The following PFDN1 variants were observed in gnomAD, a reference collection of about 807,000 sequenced individuals.
PFDN1 encodes prefoldin 1.
Under a neutral mutation model 17.3 loss-of-function variants are expected in PFDN1, and 6 were observed. The ratio of observed to expected loss-of-function variants is 0.35; its 90% CI spans 0.19 to 0.69. The LOEUF is 0.69. Among genes scored for constraint, PFDN1 ranks in the 30% least tolerant of loss-of-function variants. PFDN1 has a pLI of 0.65. For missense variants in PFDN1, 113 were observed against 146.2 expected, an observed-to-expected ratio of 0.77 and a Z score of 1.17; for synonymous variants, 58 against 50.1, an observed-to-expected ratio of 1.16 and a Z score of -0.67.
intron 3 of PFDN1, among the ~76,000 whole-genome samples, chr5:140,261,845 T>C (rs909951238): frequency 6.6e-6 from 1 of 151,990 alleles, no homozygotes; most frequent in African/African-American, 2.4e-5. Context: ...CTGAGGGGTA[T>C]TGAGAGGTCA....
intron 2 of PFDN1, among the ~76,000 whole-genome samples, chr5:140,288,119 A>G (rs886534800): frequency 2.0e-5 from 3 of 152,260 alleles, no homozygotes; most frequent in African/African-American, 4.8e-5. Context: ...AAATGTTTAC[A>G]GCTGCTTCAT....
intron 1 of PFDN1, among the ~76,000 whole-genome samples, chr5:140,300,865 C>T (rs1391229537): frequency 6.6e-6 from 1 of 152,048 alleles, no homozygotes; most frequent in Non-Finnish European, 1.5e-5. Flanking sequence ...GAAATAAATG[C>T]AATAGTCAAG....
At chr5:140,279,215 G>A (rs959115222) in intron 3 of PFDN1, among the ~76,000 whole-genome samples, 6 of 152,128 alleles carry the variant, frequency 3.9e-5, no homozygotes, top group African/African-American at 1.4e-4. Flanking sequence ...ACATTTGGAT[G>A]TACCGAGGGT....
At chr5:140,279,183 T>A (rs1298677630) in intron 3 of PFDN1, among the ~76,000 whole-genome samples, 4 of 152,198 alleles carry the variant, frequency 2.6e-5, no homozygotes, top group African/African-American at 9.6e-5. Context: ...AAGTTTGGAA[T>A]GATACAGAAA....
At chr5:140,276,362 T>A (rs1331728467) in intron 3 of PFDN1, among the ~76,000 whole-genome samples, 1 of 152,174 alleles carries the variant, frequency 6.6e-6, no homozygotes, top group Non-Finnish European at 1.5e-5. Context: ...TCAGGAGAAG[T>A]AATTCTATGC....
intron 1 of PFDN1, among the ~76,000 whole-genome samples, chr5:140,302,098 G>T (rs1765756618): frequency 6.6e-6 from 1 of 152,246 alleles, no homozygotes. Flanking sequence ...ACCACAGGCA[G>T]TCTTAACTAA....
At chr5:140,283,471 G>A (rs949854167) in intron 2 of PFDN1, among the ~76,000 whole-genome samples, 3 of 152,128 alleles carry the variant, frequency 2.0e-5, no homozygotes, top group African/African-American at 7.2e-5. Flanking sequence ...CTGACCTCGT[G>A]ATCTGCCCGC....
At chr5:140,292,278 TA>T (rs1561517359) in intron 2 of PFDN1, among the ~76,000 whole-genome samples, 1 of 152,198 alleles carries the variant, frequency 6.6e-6, no homozygotes. Flanking sequence ...TAAAATATTT[TA>T]AAATTACTAT....
chr5:140,251,787 C>T (rs1183087228), intron 3 of PFDN1, among the ~76,000 whole-genome samples: 1 of 152,084 alleles, frequency 6.6e-6, no homozygotes, highest in Non-Finnish European at 1.5e-5. Context: ...GCCTGAGGTT[C>T]TTTTTTCCAG....
At chr5:140,258,854 T>C (rs536082030) in intron 3 of PFDN1, among the ~76,000 whole-genome samples, 1 of 152,326 alleles carries the variant, frequency 6.6e-6, no homozygotes, top group East Asian at 1.9e-4. Flanking sequence ...TGTGAAAAAC[T>C]AGATTGGCTC....
At chr5:140,272,609 C>A (rs1403524945) in intron 3 of PFDN1, among the ~76,000 whole-genome samples, 1 of 152,114 alleles carries the variant, frequency 6.6e-6, no homozygotes, top group African/African-American at 2.4e-5. Context: ...CTACCCGCCT[C>A]AGCCTCCCAA....
chr5:140,302,350 G>C (rs1437427580), intron 1 of PFDN1, among the ~76,000 whole-genome samples: 1 of 152,208 alleles, frequency 6.6e-6, no homozygotes, highest in Non-Finnish European at 1.5e-5. Flanking sequence ...GCAAAAATCT[G>C]AATAACAACA....
Position 140,286,087 on chromosome 5 carries a change from TAGTA to T in PFDN1, c.201-4558_201-4555del, listed in dbSNP as rs920376749. Among the ~76,000 whole-genome samples, 11 of 151,924 alleles carry T rather than the reference TAGTA, an allele frequency of 7.2e-5. No homozygotes were observed. In the East Asian group the frequency reaches 9.6e-4, roughly 13 times the overall value. On this transcript the variant is annotated intron_variant, in intron 2 of 3. Transcript: ENST00000261813. ...ATGTAAAGATGTCAATATAGTAAGT[TAGTA>T]AGTAAGTAAAAACTCAAGTTTAAAA...
chr5:140,293,957 TCTGTATA>T (rs1358583909), intron 2 of PFDN1, among the ~76,000 whole-genome samples: 1 of 152,066 alleles, frequency 6.6e-6, no homozygotes, highest in East Asian at 1.9e-4. Flanking sequence ...TTTAAATGGC[TCTGTATA>T]AAAACACAAG....
At chr5:140,275,114 A>C (rs116050659) in intron 3 of PFDN1, among the ~76,000 whole-genome samples, 1,963 of 152,132 alleles carry the variant, frequency 0.013, 42 homozygotes, top group African/African-American at 0.042. Context: ...TCCCACCATT[A>C]AGACACTGCT....
chr5:140,276,780 C>CAAAAAAAAAA (rs35889345), intron 3 of PFDN1, among the ~76,000 whole-genome samples: 1 of 46,738 alleles, frequency 2.1e-5, no homozygotes, highest in Non-Finnish European at 3.5e-5. Context: ...GACACCGTCT[C>CAAAAAAAAAA]AAAAAAAAAA....
intron 2 of PFDN1, 51 bp from the exon 3 acceptor site, chr5:140,281,584 TC>T: frequency 1.3e-5 from 11 of 859,500 alleles, no homozygotes; most frequent in Non-Finnish European, 2.0e-5. Flanking sequence ...ATTGAATTCA[TC>T]GAAATCAATA....
chr5:140,295,529 C>G (rs770829856), intron 2 of PFDN1, among the ~76,000 whole-genome samples: 5 of 152,094 alleles, frequency 3.3e-5, no homozygotes, highest in Non-Finnish European at 5.9e-5. Context: ...GGTCAGCTCA[C>G]AAACAGCTTA....
At chr5:140,252,360 C>G (rs781770897) in intron 3 of PFDN1, among the ~76,000 whole-genome samples, 1 of 152,174 alleles carries the variant, frequency 6.6e-6, no homozygotes, top group Non-Finnish European at 1.5e-5. Context: ...CCCTTCTGTT[C>G]CTGATATTCT....
Sources: gnomAD v4.1 joint callset for allele counts (sites outside exome capture counted in the v4.1 genomes callset) on GRCh38, gnomAD v4.1.1 for gene constraint, MANE v1.5 for transcripts, NCBI Gene and HGNC (gene_info 2026-07-23, HGNC 2026-07-21) for gene names.